Variants in ZNF841 observed in about 807,000 individuals in gnomAD.
ZNF841 encodes zinc finger protein 841, also known as TCONS_00006091.
ZNF841 carries 11 observed loss-of-function variants against 13.0 expected under a neutral mutation model. That is an observed-to-expected ratio of 0.85 (90% CI 0.53 to 1.40). The LOEUF is 1.40. ZNF841 is among the 40% of genes most tolerant of loss of function. The pLI is 0.00. For missense variants in ZNF841, 1,068 were observed against 1,139.5 expected (o/e 0.94, Z 0.90); for synonymous variants, 369 against 381.6 (o/e 0.97, Z 0.38).
intron 4 of ZNF841, among the ~76,000 whole-genome samples, chr19:52,080,465 A>G (rs893413612): frequency 1.3e-4 from 20 of 152,092 alleles, no homozygotes; most frequent in African/African-American, 4.6e-4. Flanking sequence ...GAAACCCACA[A>G]CTCCCAAGAT....
In ZNF841 at chr19:52,067,249, C is replaced by T; in HGVS notation, c.633G>A (p.Glu211=). The part of the protein sequence containing the change: ...AEKIYGCNQI[E]RTVNNCFLAS... ...CTAAAAAACAATTATTAACTGTCCT[C>T]TCAATTTGATTACATCCATAAATTT... is the stretch of plus-strand genomic sequence containing the variant. Residue 211 remains glutamate (E), a synonymous_variant, in exon 7 of 7, where the codon GAG becomes GAA. Transcript: ENST00000594440. 1 of 1,551,268 alleles carries T rather than the reference C, an allele frequency of 6.4e-7. No homozygotes were observed. Among genetic ancestry groups the T allele is most frequent in the Non-Finnish European group, 8.7e-7 (1 of 1,146,872 alleles).
At chr19:52,083,317 C>T (rs1277048311) in intron 4 of ZNF841, among the ~76,000 whole-genome samples, 1 of 151,506 alleles carries the variant, frequency 6.6e-6, no homozygotes, top group Non-Finnish European at 1.5e-5. Context: ...GTGATTGCCT[C>T]TTCTAGGATG....
At chr19:52,067,669 A>G in intron 6 of ZNF841, 59 bp from the exon 7 acceptor site, 1 of 1,241,008 alleles carries the variant, frequency 8.1e-7, no homozygotes. Flanking sequence ...ATATTATTTT[A>G]TACTGAAAAC....
In ZNF841 at chr19:52,066,611, G is replaced by A. The variant is rs1249422528; in HGVS notation, c.1271C>T (p.Ala424Val). ...SSLTAHHIIHAGKKPYTCDVC... is the reference protein window; with the variant it reads ...SSLTAHHIIHVGKKPYTCDVC... ...ATCACATGTATATGGTTTCTTTCCT[G>A]CATGGATTATATGATGTGCAGTGAG... Residue 424 changes from alanine to valine, a missense_variant, in exon 7 of 7, where the codon GCA (alanine) becomes GTA (valine). Coordinates refer to ENST00000594440, the MANE Select transcript of ZNF841 (RefSeq NM_001136499.2). The A allele has an allele frequency of 1.2e-6, 2 of 1,613,658 alleles. No homozygotes were observed.
intron 2 of ZNF841, among the ~76,000 whole-genome samples, chr19:52,089,748 C>G (rs1445939689): frequency 6.6e-6 from 1 of 152,190 alleles, no homozygotes; most frequent in South Asian, 2.1e-4. Context: ...TCCACATACC[C>G]CTTGCTCTTA....
At position 52,066,147 on chromosome 19, in the gene ZNF841, T is replaced by G; in HGVS notation, c.1735A>C (p.Thr579Pro). 6.2e-7 allele frequency: 1 copy of G among 1,614,030 alleles called. No individual in the cohort carries two copies. Among genetic ancestry groups the G allele is most frequent in the Non-Finnish European group, 8.5e-7 (1 of 1,179,938 alleles). Residue 579 changes from threonine to proline, a missense_variant, in exon 7 of 7, where the codon ACT becomes CCT. Coordinates refer to ENST00000594440, the MANE Select transcript of ZNF841 (RefSeq NM_001136499.2). ...TGACGTGCTAGGCATGAATAGTAAG[T>G]GAAGACCATGCCACATTTATTACAA... ...LHCNKCGMVFTYYSCLARHQR... is the reference protein window; with the variant it reads ...LHCNKCGMVFPYYSCLARHQR...
chr19:52,085,037 T>C (rs1271205845), intron 3 of ZNF841, 159 bp from the exon 4 acceptor site: 3 of 556,912 alleles, frequency 5.4e-6, no homozygotes, highest in Non-Finnish European at 9.5e-6. Flanking sequence ...CAAGTAAGTT[T>C]TTCACCCTTT....
chr19:52,077,001 G>A lies in ZNF841; in HGVS notation c.99C>T (p.Tyr33=), dbSNP rs1224323063. The change falls in exon 5 of 7, where the codon TAC becomes TAT. Residue 33 remains tyrosine, a synonymous_variant. Transcript: ENST00000594440. The stretch of plus-strand genomic sequence containing the variant: ...TGTAGTTCTCCAACATCACGTCCCT[G>A]TACAAAGCTTTCTGAACAGGGTCCA... ...KCLDPVQKAL[Y]RDVMLENYRN... is the part of the protein sequence containing the mutation. The A allele has an allele frequency of 6.2e-7, 1 of 1,613,392 alleles. No homozygotes were observed. The highest frequency in any genetic ancestry group is 1.1e-5 in the South Asian group (1 of 91,086).
intron 4 of ZNF841, among the ~76,000 whole-genome samples, chr19:52,082,441 A>T (rs982114629): frequency 1.3e-5 from 2 of 152,262 alleles, no homozygotes; most frequent in African/African-American, 4.8e-5. Context: ...TTCAAATTAA[A>T]GATTCAATCA....
At chr19:52,078,410 A>T (rs2087977013) in intron 4 of ZNF841, among the ~76,000 whole-genome samples, 1 of 152,170 alleles carries the variant, frequency 6.6e-6, no homozygotes, top group Non-Finnish European at 1.5e-5. Flanking sequence ...TAAGCAAATC[A>T]CTGGGACAAA....
downstream of ZNF841, among the ~76,000 whole-genome samples, chr19:52,061,172 T>C (rs1194798817): frequency 6.6e-6 from 1 of 152,180 alleles, no homozygotes; most frequent in Non-Finnish European, 1.5e-5. Flanking sequence ...TCCTCTTCTC[T>C]TTTCCAAACC....
rs780943007 is a variant in ZNF841 at position 52,077,008 on chromosome 19, GC to G, written c.91del (p.Ala31LeufsTer6). On this transcript the variant is annotated frameshift_variant, in exon 5 of 7. Coordinates refer to ENST00000594440, the MANE Select transcript of ZNF841 (RefSeq NM_001136499.2). LOFTEE classifies it high-confidence loss of function. The part of the protein sequence containing the change: ...EWKCLDPVQK[A>X]LYRDVMLENY... ...CTCCAACATCACGTCCCTGTACAAA[GC>G]TTTCTGAACAGGGTCCAGGCATTTC... 6.2e-7 allele frequency: 1 copy of G among 1,613,468 alleles called. No homozygotes were observed. Among genetic ancestry groups the G allele is most frequent in the Non-Finnish European group, 8.5e-7 (1 of 1,179,580 alleles).
intron 1 of ZNF841, among the ~76,000 whole-genome samples, chr19:52,095,199 C>A (rs1269057831): frequency 6.6e-6 from 1 of 152,212 alleles, no homozygotes; most frequent in Non-Finnish European, 1.5e-5. Flanking sequence ...TCAAGAAAAG[C>A]AGTGGCTGTG....
At chr19:52,079,291 A>C (rs980110403) in intron 4 of ZNF841, among the ~76,000 whole-genome samples, 1 of 152,164 alleles carries the variant, frequency 6.6e-6, no homozygotes, top group Non-Finnish European at 1.5e-5. Flanking sequence ...AATAAATAAA[A>C]CAGTGATTCA....
chr19:52,075,161 G>A (rs996910684), intron 6 of ZNF841, among the ~76,000 whole-genome samples: 2 of 152,088 alleles, frequency 1.3e-5, no homozygotes, highest in Non-Finnish European at 2.9e-5. Context: ...TAAAATGTCC[G>A]ACCCTAGAAA....
chr19:52,060,827 T>A (rs2087385011), downstream of ZNF841, among the ~76,000 whole-genome samples: 2 of 152,250 alleles, frequency 1.3e-5, no homozygotes, highest in South Asian at 4.1e-4. Context: ...TCTTCCCTTC[T>A]CCCACCCAAC....
Position 52,065,789 on chromosome 19 carries a change from C to T in ZNF841, c.2093G>A (p.Arg698Lys), listed in dbSNP as rs762720132. ...EAFIQSSKLA[R>K]YHRNPTGEKP... ...CTCCCCAGTAGGATTTCTGTGATAT[C>T]TTGCAAGTTTTGAACTTTGGATAAA... Residue 698 changes from arginine (R) to lysine (K), a missense_variant, in exon 7 of 7, where the codon AGA (arginine) becomes AAA (lysine). Transcript: ENST00000594440. The T allele has an allele frequency of 1.2e-6, 2 of 1,611,242 alleles. No individual in the cohort carries two copies. The highest frequency in any genetic ancestry group is 4.5e-5 in the East Asian group (2 of 44,858).
chr19:52,094,404 C>CT (rs558705052), intron 1 of ZNF841, among the ~76,000 whole-genome samples: 1 of 152,116 alleles, frequency 6.6e-6, no homozygotes, highest in South Asian at 2.1e-4. Flanking sequence ...TTCTGAGCGT[C>CT]TTTTTTTTCT....
intron 6 of ZNF841, among the ~76,000 whole-genome samples, chr19:52,071,019 G>A (rs903719003): frequency 6.6e-6 from 1 of 152,172 alleles, no homozygotes; most frequent in African/African-American, 2.4e-5. Flanking sequence ...TTGAAGAGCT[G>A]TGGGAATAGA....
Sources: gnomAD v4.1 joint callset for allele counts (sites outside exome capture counted in the v4.1 genomes callset) on GRCh38, gnomAD v4.1.1 for gene constraint, MANE v1.5 for transcripts, NCBI Gene and HGNC (gene_info 2026-07-23, HGNC 2026-07-21) for gene names.